Variants in CSK observed in about 807,000 individuals in gnomAD.
The protein encoded by CSK is C-terminal Src kinase.
Under a neutral mutation model 62.3 loss-of-function variants are expected in CSK, and 7 were observed. The ratio of observed to expected loss-of-function variants is 0.11; its 90% CI spans 0.06 to 0.21. The LOEUF is 0.21. CSK is among the 10% of genes least tolerant of loss of function. The pLI is 1.00. For synonymous variants in CSK, 237 were observed against 246.0 expected, an observed-to-expected ratio of 0.96 and a Z score of 0.34; for missense variants, 294 against 613.5, an observed-to-expected ratio of 0.48 and a Z score of 5.50.
intron 9 of CSK, 76 bp downstream of exon 9, chr15:74,801,178 T>G (rs1259024968): frequency 1.5e-5 from 23 of 1,526,730 alleles, no homozygotes; most frequent in Non-Finnish European, 2.0e-5. Context: ...GGGCCCCTGC[T>G]CCCTCAGTCC....
In CSK at chr15:74,799,325, C is replaced by G. The variant is rs780001574; in HGVS notation, c.296C>G (p.Pro99Arg). ...CAGGCTGAGCGGCTTCTGTACCCGC[C>G]GGAGACAGGCCTGTTCCTGGTGCGG... is the stretch of plus-strand genomic sequence containing the variant. ...REQAERLLYP[P>R]ETGLFLVRES... The change falls in exon 5 of 13, where the codon CCG (proline) becomes CGG (arginine). Residue 99 changes from proline to arginine, a missense_variant. Coordinates refer to ENST00000220003, the MANE Select transcript of CSK (RefSeq NM_004383.3). 1 of 1,612,334 alleles carries G rather than the reference C, an allele frequency of 6.2e-7. No individual in the cohort carries two copies. The highest frequency in any genetic ancestry group is 8.5e-7 in the Non-Finnish European group (1 of 1,179,968).
At chr15:74,795,043 C>T (rs906962203) in intron 1 of CSK, among the ~76,000 whole-genome samples, 8 of 152,184 alleles carry the variant, frequency 5.3e-5, no homozygotes, top group African/African-American at 1.7e-4. Context: ...GCAGGGTCTG[C>T]CTTCCCGCTT....
At chr15:74,786,015 G>T (rs8037577) in intron 1 of CSK, among the ~76,000 whole-genome samples, 15,834 of 38,136 alleles carry the variant, frequency 0.42, 2,005 homozygotes, top group East Asian at 0.52. Flanking sequence ...TTTTTTTTTT[G>T]TGTGTGTGTG....
intron 1 of CSK, among the ~76,000 whole-genome samples, chr15:74,785,266 A>T (rs1232761343): frequency 6.6e-6 from 1 of 152,110 alleles, no homozygotes; most frequent in East Asian, 1.9e-4. Context: ...TCATGGTGCT[A>T]CGCGGTCTAA....
At chr15:74,799,186 T>A in intron 4 of CSK, 86 bp from the exon 5 acceptor site, 1 of 1,402,148 alleles carries the variant, frequency 7.1e-7, no homozygotes, top group Non-Finnish European at 9.7e-7. Context: ...GAGCCACGGG[T>A]GCCAAGCAGA....
Position 74,799,455 on chromosome 15 carries a change from G to C in CSK, c.426G>C (p.Glu142Asp). The change falls in exon 5 of 13, where the codon GAG (glutamate) becomes GAC (aspartate). Residue 142 changes from glutamate to aspartate, a missense_variant. Glu to Asp is a conservative substitution (Grantham distance 45, BLOSUM62 2). This residue lies in a region of CSK where 202 missense variants were observed against 415.7 expected (regional missense o/e 0.49). Coordinates refer to ENST00000220003, the MANE Select transcript of CSK (RefSeq NM_004383.3). ...ATGCCAGCAAGCTCAGCATCGACGA[G>C]GAGGTGTACTTTGAGAACCTCATGC... is the stretch of plus-strand genomic sequence containing the variant. Reference protein sequence around the residue: ...MYHASKLSIDEEVYFENLMQL... With the variant: ...MYHASKLSIDDEVYFENLMQL... 6.2e-7 allele frequency: 1 copy of C among 1,613,418 alleles called. No homozygotes were observed. Among genetic ancestry groups the C allele is most frequent in the South Asian group, 1.1e-5 (1 of 91,078 alleles).
chr15:74,787,900 G>A lies in CSK; in HGVS notation c.-66+5180G>A, dbSNP rs575651914. On this transcript the variant is annotated intron_variant, in intron 1 of 12. Transcript: ENST00000220003. Reference sequence around the variant, plus strand: ...TATCTATCTGCAGCTTGTGCTGTCCGTGCTGCAGGGAGACAGGAGGGAAGG... The same window carrying A: ...TATCTATCTGCAGCTTGTGCTGTCCATGCTGCAGGGAGACAGGAGGGAAGG... Among the ~76,000 whole-genome samples the A allele has an allele frequency of 3.9e-5, 6 of 152,302 alleles. No homozygotes were observed. In the South Asian group the frequency reaches 6.2e-4, roughly 16 times the overall value.
intron 1 of CSK, among the ~76,000 whole-genome samples, chr15:74,793,447 C>G (rs2063656056): frequency 6.6e-6 from 1 of 152,202 alleles, no homozygotes; most frequent in African/African-American, 2.4e-5. Context: ...CATGGCAACT[C>G]CTGGGGCCTG....
In CSK at chr15:74,798,493, C is replaced by T. The variant is rs767656743; in HGVS notation, c.16-122C>T. The T allele has an allele frequency of 2.4e-5, 29 of 1,219,804 alleles. No individual in the cohort carries two copies. The highest frequency in any genetic ancestry group is 2.1e-4 in the South Asian group (16 of 77,704). The allele number at this position is 1,219,804 out of a possible 1,614,324, so 75.6% of individuals were successfully genotyped here. ...AGGAAGGGACCCAGGGCTCGTTCTC[C>T]GGGCAGAGCACCTCACCCAGGCTCA... On this transcript the variant is annotated intron_variant, in intron 2 of 12. Transcript: ENST00000220003. The surrounding 1 kb of genome is among the most constrained non-coding windows in gnomAD (Gnocchi z 6.6).
At chr15:74,792,580 C>T (rs756296502) in intron 1 of CSK, among the ~76,000 whole-genome samples, 3 of 152,238 alleles carry the variant, frequency 2.0e-5, no homozygotes, top group Non-Finnish European at 4.4e-5. Flanking sequence ...GAAGGACCCC[C>T]TCTCTGTGCC....
intron 1 of CSK, among the ~76,000 whole-genome samples, chr15:74,789,414 C>G (rs922628911): frequency 2.0e-5 from 3 of 152,320 alleles, no homozygotes; most frequent in African/African-American, 7.2e-5. Context: ...GGGCACCCTT[C>G]CTTGCCTGAT....
intron 1 of CSK, among the ~76,000 whole-genome samples, chr15:74,784,868 A>C (rs140141059): frequency 7.9e-5 from 12 of 152,314 alleles, no homozygotes; most frequent in African/African-American, 2.2e-4. Context: ...ATGTTGACTG[A>C]GTCTGGGAAA....
At chr15:74,801,253 A>C in intron 9 of CSK, 151 bp downstream of exon 9, 1 of 852,646 alleles carries the variant, frequency 1.2e-6, no homozygotes, top group Non-Finnish European at 1.8e-6. Context: ...CCATTCATTG[A>C]CTGTAACATT....
intron 1 of CSK, among the ~76,000 whole-genome samples, chr15:74,784,675 G>T (rs549978911): frequency 6.6e-6 from 1 of 152,336 alleles, no homozygotes; most frequent in Non-Finnish European, 1.5e-5. Context: ...CCTCGGCAAG[G>T]GTTGGAAATT....
chr15:74,790,267 C>G (rs146463598), intron 1 of CSK, among the ~76,000 whole-genome samples: 6 of 152,250 alleles, frequency 3.9e-5, no homozygotes, highest in Non-Finnish European at 8.8e-5. Context: ...AAGGCTCCCA[C>G]GCCCCATTAG....
At chr15:74,796,957 T>C (rs1344208213) in intron 1 of CSK, among the ~76,000 whole-genome samples, 2 of 152,180 alleles carry the variant, frequency 1.3e-5, no homozygotes, top group African/African-American at 4.8e-5. Context: ...TTCATTCATT[T>C]AGAGGCAGGG....
intron 1 of CSK, among the ~76,000 whole-genome samples, chr15:74,790,080 A>C (rs1596368547): frequency 6.6e-6 from 1 of 152,372 alleles, no homozygotes; most frequent in East Asian, 1.9e-4. Context: ...TGAGAAGGCA[A>C]GGTGGACCTT....
intron 1 of CSK, chr15:74,797,996 C>T: frequency 2.8e-6 from 1 of 360,324 alleles, no homozygotes; most frequent in Non-Finnish European, 5.1e-6. Flanking sequence ...TCTATCAGTC[C>T]TGGAAGGCCC....
intron 4 of CSK, 127 bp downstream of exon 4, chr15:74,799,065 G>A (rs1340218924): frequency 2.1e-5 from 21 of 983,964 alleles, no homozygotes; most frequent in Non-Finnish European, 3.1e-5. Flanking sequence ...GGAGGTGCAG[G>A]GTGCGGGTGC....
Sources: allele counts gnomAD v4.1 joint callset (sites outside exome capture counted in the v4.1 genomes callset), GRCh38; gene constraint gnomAD v4.1.1; regional missense constraint gnomAD v4.1.1; non-coding constraint Gnocchi (gnomAD v3.1); transcripts MANE v1.5; gene names NCBI Gene and HGNC (gene_info 2026-07-23, HGNC 2026-07-21).